Variants in CNIH3 observed in about 807,000 individuals in gnomAD.
The protein encoded by CNIH3 is protein cornichon homolog 3.
In CNIH3, 14 loss-of-function variants were observed where a neutral mutation model predicts 24.1. That is an observed-to-expected ratio of 0.58 (90% CI 0.38 to 0.91). CNIH3 has a LOEUF of 0.91. Ranked by LOEUF, CNIH3 falls within the 40% of genes least tolerant of loss-of-function variation. The probability of loss-of-function intolerance (pLI) is 0.00; values close to 1 mark genes in which losing one functional copy is unlikely to be tolerated. For missense variants in CNIH3, 178 were observed against 196.8 expected (o/e 0.90, Z 0.57); for synonymous variants, 68 against 73.8 (o/e 0.92, Z 0.40).
chr1:224,661,000 A>G (rs920613701), intron 1 of CNIH3, among the ~76,000 whole-genome samples: 1 of 152,256 alleles, frequency 6.6e-6, no homozygotes, highest in Non-Finnish European at 1.5e-5. Context: ...TGGTCCCAAC[A>G]ATAAACTCAA....
rs114768386 is a variant in CNIH3 at position 224,669,418 on chromosome 1, G to A, written c.82-11540G>A. On this transcript the variant is annotated intron_variant, in intron 1 of 5. Coordinates refer to ENST00000272133, the MANE Select transcript of CNIH3 (RefSeq NM_152495.2). Reference sequence around the variant, plus strand: ...TCCTCAGCTCACCTGCTGGTCTCCAGCTTCTGTCCTGGCAACTCTAAGTTC... The same window carrying A: ...TCCTCAGCTCACCTGCTGGTCTCCAACTTCTGTCCTGGCAACTCTAAGTTC... 5.3e-3 allele frequency among the ~76,000 whole-genome samples: 803 copies of A among 152,318 alleles called. 11 individuals carry two copies. The highest frequency in any genetic ancestry group is 0.018 in the African/African-American group (748 of 41,560).
intron 1 of CNIH3, among the ~76,000 whole-genome samples, chr1:224,675,710 G>A (rs991100413): frequency 3.3e-5 from 5 of 152,214 alleles, no homozygotes; most frequent in African/African-American, 1.2e-4. Flanking sequence ...TGACAGCTAA[G>A]CCCATGAAAA....
chr1:224,522,126 A>T (rs1678659916), intron 2 of CNIH3, among the ~76,000 whole-genome samples: 2 of 152,212 alleles, frequency 1.3e-5, no homozygotes, highest in South Asian at 4.1e-4. Flanking sequence ...AGAACTTGTC[A>T]GGCTGTGGAG....
At chr1:224,633,764 GGAGAATTCTCCA>G (rs1471145983) in intron 1 of CNIH3, among the ~76,000 whole-genome samples, 4 of 152,196 alleles carry the variant, frequency 2.6e-5, no homozygotes, top group Non-Finnish European at 5.9e-5. Context: ...GCACTCAGTG[GGAGAATTCTCCA>G]GAGGAAATCA....
chr1:224,632,137 G>C (rs12077707), intron 1 of CNIH3, among the ~76,000 whole-genome samples: 35,858 of 152,068 alleles, frequency 0.24, 4,559 homozygotes, highest in East Asian at 0.37. Context: ...ACTGCCCTGC[G>C]TTGTCCATAA....
intron 4 of CNIH3, among the ~76,000 whole-genome samples, chr1:224,580,742 G>T (rs569018338): frequency 6.6e-6 from 1 of 151,440 alleles, no homozygotes; most frequent in Non-Finnish European, 1.5e-5. Context: ...CAGGAGAATC[G>T]CTTGAACCAG....
At chr1:224,505,644 T>G (rs1677878680) in intron 1 of CNIH3, among the ~76,000 whole-genome samples, 1 of 152,230 alleles carries the variant, frequency 6.6e-6, no homozygotes, top group Non-Finnish European at 1.5e-5. Flanking sequence ...GTAACTTGAC[T>G]AGGATTACGT....
At chr1:224,463,975 G>C (rs987090619) in intron 1 of CNIH3, among the ~76,000 whole-genome samples, 2 of 149,164 alleles carry the variant, frequency 1.3e-5, no homozygotes, top group African/African-American at 4.9e-5. Flanking sequence ...GTTTTTAGTA[G>C]AGACGGGGTT....
chr1:224,657,796 T>C (rs1476938422), intron 1 of CNIH3, among the ~76,000 whole-genome samples: 1 of 152,206 alleles, frequency 6.6e-6, no homozygotes, highest in African/African-American at 2.4e-5. Context: ...TAGCTGATTA[T>C]AAACTGCTTT....
intron 1 of CNIH3, chr1:224,436,720 A>G (rs950228915): frequency 2.0e-5 from 3 of 152,222 alleles, no homozygotes; most frequent in African/African-American, 7.2e-5. Context: ...TTTCAGGTCT[A>G]TGTGCAGATG....
intron 4 of CNIH3, among the ~76,000 whole-genome samples, chr1:224,572,740 A>G (rs1349381504): frequency 6.6e-6 from 1 of 152,076 alleles, no homozygotes; most frequent in Non-Finnish European, 1.5e-5. Flanking sequence ...TAACAATGTT[A>G]AGTCTGCCAA....
intron 3 of CNIH3, among the ~76,000 whole-genome samples, chr1:224,702,713 A>T (rs1455341470): frequency 6.6e-6 from 1 of 152,214 alleles, no homozygotes; most frequent in East Asian, 1.9e-4. Flanking sequence ...GTCTCACCTG[A>T]TTGGTCAAGG....
intron 1 of CNIH3, among the ~76,000 whole-genome samples, chr1:224,456,713 A>G (rs138738680): frequency 1.8e-3 from 272 of 152,318 alleles, no homozygotes; most frequent in Admixed American, 3.4e-3. Context: ...GCCCGGCCAA[A>G]GATTCCCCCT....
chr1:224,665,363 A>G (rs891094385), intron 1 of CNIH3, among the ~76,000 whole-genome samples: 1 of 152,244 alleles, frequency 6.6e-6, no homozygotes, highest in African/African-American at 2.4e-5. Flanking sequence ...ACTGTGATCA[A>G]CTACTGAAGG....
At chr1:224,552,987 G>A (rs1572463364) in intron 3 of CNIH3, among the ~76,000 whole-genome samples, 2 of 149,986 alleles carry the variant, frequency 1.3e-5, no homozygotes, top group Admixed American at 1.3e-4. Context: ...TACACACAAG[G>A]TGTACACCTC....
intron 3 of CNIH3, among the ~76,000 whole-genome samples, chr1:224,598,013 A>C (rs950891649): frequency 1.3e-5 from 2 of 151,768 alleles, no homozygotes; most frequent in African/African-American, 4.8e-5. Context: ...TGTGTGGGAA[A>C]CCCCCACCCC....
intron 1 of CNIH3, chr1:224,454,469 C>G (rs545725699): frequency 3.2e-6 from 1 of 317,034 alleles, no homozygotes; most frequent in African/African-American, 2.3e-5. Context: ...TTTCTGGTCC[C>G]GTCCCTGAAG....
intron 1 of CNIH3, among the ~76,000 whole-genome samples, chr1:224,487,050 C>A (rs1029328926): frequency 8.5e-5 from 13 of 152,170 alleles, no homozygotes; most frequent in African/African-American, 3.1e-4. Flanking sequence ...TGTAAACATA[C>A]CAAAATCTAA....
chr1:224,608,435 T>C (rs995619178), intron 3 of CNIH3, among the ~76,000 whole-genome samples: 13 of 152,140 alleles, frequency 8.5e-5, no homozygotes, highest in Non-Finnish European at 1.2e-4. Flanking sequence ...TTTAAGGGCT[T>C]ACAACTCTAA....
Sources: gnomAD v4.1 joint callset for allele counts (sites outside exome capture counted in the v4.1 genomes callset) on GRCh38, gnomAD v4.1.1 for gene constraint, MANE v1.5 for transcripts, NCBI Gene and HGNC (gene_info 2026-07-23, HGNC 2026-07-21) for gene names.